Variants in DNAH6 observed in about 807,000 individuals in gnomAD.
DNAH6 encodes dynein axonemal heavy chain 6.
DNAH6 carries 340 observed loss-of-function variants against 491.4 expected under a neutral mutation model. That is an observed-to-expected ratio of 0.69 (90% CI 0.63 to 0.76). DNAH6 has a LOEUF of 0.76. Among genes scored for constraint, DNAH6 ranks in the 30% least tolerant of loss-of-function variants. The pLI, the probability that DNAH6 is intolerant of heterozygous loss-of-function variation, is 0.00. For missense variants in DNAH6, 4,443 were observed against 4,972.2 expected (o/e 0.89, Z 3.20); for synonymous variants, 1,603 against 1,686.1 (o/e 0.95, Z 1.21).
intron 64 of DNAH6, among the ~76,000 whole-genome samples, chr2:84,772,541 A>C (rs1675729319): frequency 6.6e-6 from 1 of 152,086 alleles, no homozygotes; most frequent in Non-Finnish European, 1.5e-5. Flanking sequence ...TCAAGACGAA[A>C]GTTGTTACAA....
chr2:84,774,942 G>A (rs1432710604), intron 64 of DNAH6, among the ~76,000 whole-genome samples: 1 of 151,716 alleles, frequency 6.6e-6, no homozygotes, highest in Non-Finnish European at 1.5e-5. Context: ...AAAATCAAAT[G>A]GTTGGAGAAG....
chr2:84,634,435 C>A, intron 29 of DNAH6, 69 bp from the exon 30 acceptor site: 1 of 1,346,014 alleles, frequency 7.4e-7, no homozygotes, highest in Non-Finnish European at 9.6e-7. Flanking sequence ...AATATTTCAG[C>A]TCAGAATTTA....
intron 19 of DNAH6, 133 bp downstream of exon 19, chr2:84,604,684 G>A (rs1685581371): frequency 1.5e-5 from 10 of 683,350 alleles, no homozygotes; most frequent in Middle Eastern, 4.1e-4. Context: ...TCCCTCTGTT[G>A]TTTCCTTACA....
chr2:84,681,622 T>C, intron 42 of DNAH6, 94 bp downstream of exon 42: 2 of 1,154,294 alleles, frequency 1.7e-6, no homozygotes, highest in Non-Finnish European at 1.1e-6. Flanking sequence ...ATGCAGGTGT[T>C]GGTGACTCAC....
chr2:84,778,799 C>T (rs187001561), intron 64 of DNAH6, among the ~76,000 whole-genome samples: 112 of 152,312 alleles, frequency 7.4e-4, no homozygotes, highest in African/African-American at 2.6e-3. Flanking sequence ...ACACTGTAAA[C>T]TTTTAACACT....
rs541910617 is a variant in DNAH6 at position 84,574,939 on chromosome 2, C to G, written c.1924+1352C>G. On this transcript the variant is annotated intron_variant, in intron 12 of 76. Transcript: ENST00000389394. ...CATCAGCATGCAGTCCCCTGACTCCCAGGTTGCTCTTCAGCTAGTCCTATC... is the reference window on the plus strand; with the variant it reads ...CATCAGCATGCAGTCCCCTGACTCCGAGGTTGCTCTTCAGCTAGTCCTATC... 2.8e-3 allele frequency among the ~76,000 whole-genome samples: 419 copies of G among 152,284 alleles called. 3 individuals are homozygous for G. The highest frequency in any genetic ancestry group is 0.01 in the African/African-American group (417 of 41,560).
At chr2:84,715,711 T>C in intron 58 of DNAH6, 84 bp downstream of exon 58, 2 of 1,324,358 alleles carry the variant, frequency 1.5e-6, no homozygotes, top group Non-Finnish European at 2.1e-6. Context: ...ACAAAGACAA[T>C]GTTCTGCTGT....
At chr2:84,530,936 G>A (rs1250005319) in intron 4 of DNAH6, among the ~76,000 whole-genome samples, 1 of 152,140 alleles carries the variant, frequency 6.6e-6, no homozygotes, top group East Asian at 1.9e-4. Context: ...CAAGATCATG[G>A]AGGCACGCCC....
At chr2:84,605,131 A>AG (rs554068162) in intron 19 of DNAH6, among the ~76,000 whole-genome samples, 121 of 151,574 alleles carry the variant, frequency 8.0e-4, no homozygotes, top group African/African-American at 2.8e-3. Context: ...ACAGATCACG[A>AG]GGTCAGGAGA....
At chr2:84,778,788 C>T (rs1414644308) in intron 64 of DNAH6, among the ~76,000 whole-genome samples, 1 of 152,196 alleles carries the variant, frequency 6.6e-6, no homozygotes, top group Non-Finnish European at 1.5e-5. Flanking sequence ...TGCACCCAGA[C>T]ACACTGTAAA....
the DNAH6 span, among the ~76,000 whole-genome samples, chr2:84,501,754 G>A: frequency 1.3e-5 from 2 of 149,418 alleles, no homozygotes; most frequent in African/African-American, 2.5e-5. Context: ...GTTCAATCTT[G>A]GTAGGTTGTA....
At position 84,755,421 on chromosome 2, in the gene DNAH6, C is replaced by G. The variant is rs780934067; in HGVS notation, c.10513-7334C>G. ...TATAAATTACCCAGTCTCAAGTATT[C>G]TATTATAGCAGCACAAAACAGACTA... On this transcript the variant is annotated intron_variant, in intron 63 of 76. Coordinates refer to ENST00000389394, the MANE Select transcript of DNAH6 (RefSeq NM_001370.2). Among the ~76,000 whole-genome samples, 6 of 152,150 alleles carry G rather than the reference C, an allele frequency of 3.9e-5. No homozygotes were observed. The South Asian group carries it at 6.2e-4, about 16-fold the overall frequency.
the DNAH6 span, among the ~76,000 whole-genome samples, chr2:84,498,323 C>T: frequency 2.0e-5 from 3 of 152,198 alleles, no homozygotes; most frequent in African/African-American, 7.2e-5. Flanking sequence ...TGTCTTTAGA[C>T]TCTCAGCCTT....
intron 11 of DNAH6, among the ~76,000 whole-genome samples, chr2:84,571,780 G>T (rs1341547083): frequency 6.6e-6 from 1 of 151,106 alleles, no homozygotes. Context: ...AAAAATTAGC[G>T]TGGTGGCGGG....
intron 68 of DNAH6, among the ~76,000 whole-genome samples, chr2:84,795,472 T>TATAAA (rs1678255563): frequency 6.7e-6 from 1 of 148,552 alleles, no homozygotes; most frequent in Non-Finnish European, 1.5e-5. Flanking sequence ...ATAAACTAAT[T>TATAAA]ATAAAACAAA....
the DNAH6 span, among the ~76,000 whole-genome samples, chr2:84,504,002 CTT>C: frequency 1.3e-5 from 2 of 152,108 alleles, no homozygotes; most frequent in East Asian, 3.9e-4. Flanking sequence ...ACCCATATCT[CTT>C]TCTCCACATC....
chr2:84,725,486 C>G (rs1438994693), intron 60 of DNAH6, among the ~76,000 whole-genome samples: 1 of 152,212 alleles, frequency 6.6e-6, no homozygotes, highest in African/African-American at 2.4e-5. Context: ...CTTCAGTTGA[C>G]AGGTATTAAC....
rs1354932717 is a variant in DNAH6 at position 84,677,063 on chromosome 2, C to T, written c.6671C>T (p.Pro2224Leu). ...PPGGGRNPVT[P>L]RFIRHFSMLC... ...GGCGGTGGCCGCAACCCTGTGACTC[C>T]CCGCTTCATCAGACACTTCAGCATG... Residue 2224 changes from proline (P) to leucine (L), a missense_variant, in exon 41 of 77, where the codon CCC becomes CTC. Coordinates refer to ENST00000389394, the MANE Select transcript of DNAH6 (RefSeq NM_001370.2). 3 of 1,551,734 alleles carry T rather than the reference C, an allele frequency of 1.9e-6. No homozygotes were observed. Among genetic ancestry groups the T allele is most frequent in the Non-Finnish European group, 2.6e-6 (3 of 1,146,978 alleles).
chr2:84,810,505 G>A (rs1679868636), intron 72 of DNAH6, among the ~76,000 whole-genome samples: 1 of 152,230 alleles, frequency 6.6e-6, no homozygotes. Flanking sequence ...ATTCCCATCA[G>A]AAGGGAGGTG....
Sources: gnomAD v4.1 joint callset for allele counts (sites outside exome capture counted in the v4.1 genomes callset) on GRCh38, gnomAD v4.1.1 for gene constraint, MANE v1.5 for transcripts, NCBI Gene and HGNC (gene_info 2026-07-23, HGNC 2026-07-21) for gene names.